Variants in IGSF11 observed in about 807,000 individuals in gnomAD.
IGSF11 encodes the protein CXADR like 1.
A neutral mutation model predicts 41.0 loss-of-function variants in IGSF11; 22 were observed. That is an observed-to-expected ratio of 0.54 (90% CI 0.38 to 0.77). The LOEUF (loss-of-function observed/expected upper bound fraction) is 0.77, where lower values mean the gene tolerates loss of function less well. IGSF11 is among the 30% of genes least tolerant of loss of function. The pLI is 0.00. For missense variants in IGSF11, 444 were observed against 530.8 expected (o/e 0.84, Z 1.61); for synonymous variants, 219 against 201.3 (o/e 1.09, Z -0.74).
chr3:119,084,225 A>T (rs751334539), intron 1 of IGSF11, among the ~76,000 whole-genome samples: 1 of 152,088 alleles, frequency 6.6e-6, no homozygotes, highest in African/African-American at 2.4e-5. Context: ...GAACACACCA[A>T]ATGTGGAAGG....
chr3:118,902,987 GT>G, intron 6 of IGSF11, 26 bp from the exon 7 acceptor site: 1 of 1,597,804 alleles, frequency 6.3e-7, no homozygotes, highest in Non-Finnish European at 8.6e-7. Context: ...TAAAGTCGTT[GT>G]TAGGATTTAC....
intron 1 of IGSF11, among the ~76,000 whole-genome samples, chr3:119,121,161 TG>T (rs2077328886): frequency 6.6e-6 from 1 of 151,916 alleles, no homozygotes; most frequent in Non-Finnish European, 1.5e-5. Flanking sequence ...ATGACACTTA[TG>T]AAAAAAACAG....
At chr3:119,001,175 T>C (rs1268344726) in intron 1 of IGSF11, among the ~76,000 whole-genome samples, 6 of 150,942 alleles carry the variant, frequency 4.0e-5, no homozygotes, top group African/African-American at 1.5e-4. Context: ...CATTTAAGCC[T>C]ACCCTTGTCA....
At chr3:119,054,307 A>G (rs1018652198) in intron 1 of IGSF11, among the ~76,000 whole-genome samples, 1 of 152,204 alleles carries the variant, frequency 6.6e-6, no homozygotes, top group Non-Finnish European at 1.5e-5. Context: ...TAATATCTAG[A>G]ATCTACAAGG....
chr3:118,915,155 A>G (rs1403354217), intron 4 of IGSF11, among the ~76,000 whole-genome samples: 1 of 130,202 alleles, frequency 7.7e-6, no homozygotes, highest in Non-Finnish European at 1.6e-5. Context: ...AAAGATGGGG[A>G]AAAAACAGAA....
chr3:119,007,400 G>A (rs1937575265), intron 1 of IGSF11, among the ~76,000 whole-genome samples: 1 of 150,614 alleles, frequency 6.6e-6, no homozygotes, highest in African/African-American at 2.5e-5. Flanking sequence ...TACCTCAGAT[G>A]GAAATGCAGA....
intron 1 of IGSF11, among the ~76,000 whole-genome samples, chr3:119,029,270 A>C (rs905580450): frequency 6.9e-6 from 1 of 144,826 alleles, no homozygotes; most frequent in Non-Finnish European, 1.5e-5. Context: ...ACACACACAC[A>C]CACACCCGAG....
At chr3:119,050,990 G>C (rs1309152617) in intron 1 of IGSF11, among the ~76,000 whole-genome samples, 2 of 141,470 alleles carry the variant, frequency 1.4e-5, no homozygotes, top group African/African-American at 2.7e-5. Context: ...ACTCTGGGGA[G>C]TGTTGTGGGT....
chr3:118,966,770 T>C (rs77820946), intron 1 of IGSF11, among the ~76,000 whole-genome samples: 3,716 of 152,272 alleles, frequency 0.024, 81 homozygotes, highest in East Asian at 0.066. Context: ...GAAAAACCAT[T>C]TGTCACTTCT....
chr3:118,932,909 T>C (rs1439106123), intron 1 of IGSF11, among the ~76,000 whole-genome samples: 2 of 152,164 alleles, frequency 1.3e-5, no homozygotes, highest in African/African-American at 4.8e-5. Context: ...ACTCAAACAA[T>C]CTTTGATACA....
rs149835999 is a variant in IGSF11, at chr3:119,075,281, G to T, written c.49+29863C>A. Among the ~76,000 whole-genome samples, 713 of 152,066 alleles carry T rather than the reference G, an allele frequency of 4.7e-3. 13 individuals are homozygous for T. Among genetic ancestry groups the T allele is most frequent in the African/African-American group, 0.016 (682 of 41,508 alleles). ...CAACTTCCCAGGATCAAACCAGAAA[G>T]AAATTGAAACCTTGAAGACACCAAT... On this transcript the variant is annotated intron_variant, in intron 1 of 6. Coordinates refer to the IGSF11 transcript ENST00000354673.
At chr3:119,032,768 A>G (rs1018404384) in intron 1 of IGSF11, among the ~76,000 whole-genome samples, 1 of 152,246 alleles carries the variant, frequency 6.6e-6, no homozygotes, top group Non-Finnish European at 1.5e-5. Flanking sequence ...CTCATCATAC[A>G]TTCCCTGTAC....
At chr3:119,117,596 A>G (rs1281805459) in intron 1 of IGSF11, among the ~76,000 whole-genome samples, 2 of 152,178 alleles carry the variant, frequency 1.3e-5, no homozygotes, top group African/African-American at 4.8e-5. Flanking sequence ...AAACCATATA[A>G]TTGTGCCCCT....
At chr3:118,981,627 G>T (rs1934727614) in intron 1 of IGSF11, among the ~76,000 whole-genome samples, 1 of 152,034 alleles carries the variant, frequency 6.6e-6, no homozygotes, top group African/African-American at 2.4e-5. Context: ...TTCCCTGTGG[G>T]ACAGCTAAAC....
intron 1 of IGSF11, among the ~76,000 whole-genome samples, chr3:119,022,638 AG>A (rs1485829487): frequency 6.6e-6 from 1 of 152,220 alleles, no homozygotes; most frequent in African/African-American, 2.4e-5. Context: ...ATTAGTAATC[AG>A]GGAAGTACAA....
chr3:119,077,233 A>C (rs1381247369), intron 1 of IGSF11, among the ~76,000 whole-genome samples: 1 of 151,950 alleles, frequency 6.6e-6, no homozygotes, highest in Admixed American at 6.6e-5. Flanking sequence ...ACACTTGGAC[A>C]CAGGAAGGGG....
At chr3:118,993,355 A>G (rs1935964564) in intron 1 of IGSF11, among the ~76,000 whole-genome samples, 1 of 152,250 alleles carries the variant, frequency 6.6e-6, no homozygotes, top group African/African-American at 2.4e-5. Context: ...CAATTAAAAG[A>G]CAATAACAAG....
chr3:119,016,091 A>C (rs1938651011), intron 1 of IGSF11, among the ~76,000 whole-genome samples: 1 of 152,210 alleles, frequency 6.6e-6, no homozygotes, highest in Admixed American at 6.5e-5. Flanking sequence ...ATTGAGTAAG[A>C]GGCAGCATGG....
rs1273697443 is a variant in IGSF11 at position 118,910,856 on chromosome 3, A to ACCTTTTCCTGCTTGGGAAT, written c.581-5157_581-5139dup. Among the ~76,000 whole-genome samples, 17 of 152,236 alleles carry ACCTTTTCCTGCTTGGGAAT rather than the reference A, an allele frequency of 1.1e-4. No individual in the cohort carries two copies. In the East Asian group the frequency reaches 2.9e-3, roughly 26 times the overall value. ...TAAAACTTCTATCCATCATTTAAGA[A>ACCTTTTCCTGCTTGGGAAT]CCTTTTCCTGCTTGGGAATCCTTTT... On this transcript the variant is annotated intron_variant, in intron 4 of 6. Coordinates refer to ENST00000393775, the MANE Select transcript of IGSF11 (RefSeq NM_001015887.3).
Sources: allele counts gnomAD v4.1 joint callset (sites outside exome capture counted in the v4.1 genomes callset), GRCh38; gene constraint gnomAD v4.1.1; transcripts MANE v1.5; gene names NCBI Gene and HGNC (gene_info 2026-07-23, HGNC 2026-07-21).